The following PATL2 variants were observed in gnomAD, a reference collection of about 807,000 sequenced individuals.
PATL2 encodes protein PAT1 homolog 2.
Under a neutral mutation model 77.0 loss-of-function variants are expected in PATL2, and 73 were observed. The ratio of observed to expected loss-of-function variants is 0.95; its 90% CI spans 0.78 to 1.15. PATL2 has a LOEUF of 1.15. Among genes scored for constraint, PATL2 ranks in the 50% most tolerant of loss-of-function variants. The pLI, the probability that PATL2 is intolerant of heterozygous loss-of-function variation, is 0.00. For synonymous variants in PATL2, 265 were observed against 257.1 expected, an observed-to-expected ratio of 1.03 and a Z score of -0.29; for missense variants, 618 against 655.4, an observed-to-expected ratio of 0.94 and a Z score of 0.62.
intron 3 of PATL2, among the ~76,000 whole-genome samples, chr15:44,699,240 C>T (rs1004532307): frequency 6.6e-6 from 1 of 151,986 alleles, no homozygotes; most frequent in African/African-American, 2.4e-5. Context: ...GTGCAGAAGC[C>T]TTTAAGGGTA....
rs2085993939 is a variant in PATL2, at chr15:44,677,031, TAATGATTAAAAAAACGCTTG to T, written c.-75-486_-75-467del. Reference sequence around the variant, plus strand: ...CTGATGGAAATATGAGAACATAGTTTAATGATTAAAAAAACGCTTGAATGGAGAAAAGACATAAACTGCAT... The same window carrying T: ...CTGATGGAAATATGAGAACATAGTTTAATGGAGAAAAGACATAAACTGCAT... On this transcript the variant is annotated intron_variant, in intron 3 of 17. Coordinates refer to ENST00000682850, the MANE Select transcript of PATL2 (RefSeq NM_001387263.1). The T allele has an allele frequency of 5.4e-6, 3 of 553,888 alleles. No individual in the cohort carries two copies. The African/African-American group carries it at 6.1e-5, about 11-fold the overall frequency. 34.3% of individuals were successfully genotyped at this position (553,888 alleles called of 1,614,324 possible).
At chr15:44,677,317 C>G (rs551345831) in intron 3 of PATL2, among the ~76,000 whole-genome samples, 96 of 152,270 alleles carry the variant, frequency 6.3e-4, no homozygotes, top group Non-Finnish European at 8.4e-4. Context: ...CCCTCAAGTC[C>G]ACCTGATGAT....
rs1449155744 is a variant in PATL2 at position 44,669,564 on chromosome 15, C to T, written c.877-1G>A. ...TCTGACTGCTTGCAGCTTCTATATC[C>T]TAGGAGAAGGGAGTCACCAGCTATC... On this transcript the variant is annotated splice_acceptor_variant, in intron 11 of 17. Coordinates refer to ENST00000682850, the MANE Select transcript of PATL2 (RefSeq NM_001387263.1). LOFTEE classifies it high-confidence loss of function. 1.9e-6 allele frequency: 3 copies of T among 1,550,994 alleles called. No homozygotes were observed. In the East Asian group the frequency reaches 7.3e-5, roughly 38 times the overall value.
chr15:44,697,183 CCTT>C (rs1273795370), intron 3 of PATL2: 5 of 152,222 alleles, frequency 3.3e-5, no homozygotes, highest in African/African-American at 7.3e-5. Flanking sequence ...TTCTCCTCCT[CCTT>C]TCTTTTTCTT....
chr15:44,670,066 T>C lies in PATL2; in HGVS notation c.679A>G (p.Lys227Glu). 3 of 1,551,632 alleles carry C rather than the reference T, an allele frequency of 1.9e-6. No individual in the cohort carries two copies. The highest frequency in any genetic ancestry group is 3.3e-4 in the Middle Eastern group (2 of 5,992). ...AGTAGCTCTTCGTCTGCCTGCTTCT[T>C]CTCTAGCTTCTGGTAATATTCCTGA... ...YYQEYYQKLE[K>E]KQADEELLGR... Residue 227 changes from lysine (K) to glutamate (E), a missense_variant, in exon 10 of 18, where the codon AAG (lysine) becomes GAG (glutamate). By Grantham distance (56) the Lys-to-Glu change is moderately conservative (BLOSUM62 1). Coordinates refer to ENST00000682850, the MANE Select transcript of PATL2 (RefSeq NM_001387263.1).
intron 4 of PATL2, 55 bp from the exon 5 acceptor site, chr15:44,675,746 T>C: frequency 1.4e-6 from 2 of 1,443,972 alleles, no homozygotes; most frequent in Non-Finnish European, 1.9e-6. Context: ...GCTGTGAGTC[T>C]TGTCTAGAGA....
At chr15:44,690,748 T>G (rs938715249) in intron 3 of PATL2, among the ~76,000 whole-genome samples, 1 of 152,210 alleles carries the variant, frequency 6.6e-6, no homozygotes, top group Non-Finnish European at 1.5e-5. Context: ...AAGAGATATT[T>G]ATGTTAAGCT....
At chr15:44,696,003 G>T (rs896145568) in intron 3 of PATL2, among the ~76,000 whole-genome samples, 10 of 152,164 alleles carry the variant, frequency 6.6e-5, no homozygotes, top group African/African-American at 2.4e-4. Flanking sequence ...GCAAGTGTCA[G>T]CTCCACAAGC....
intron 3 of PATL2, among the ~76,000 whole-genome samples, chr15:44,681,673 C>G (rs553465533): frequency 3.3e-4 from 50 of 152,312 alleles, no homozygotes; most frequent in African/African-American, 1.2e-3. Flanking sequence ...ATCACATCCT[C>G]AAAGGGATCA....
Position 44,667,092 on chromosome 15 carries a change from C to G in PATL2, c.1463+14G>C. The stretch of plus-strand genomic sequence containing the variant: ...GGGTACTAGATAGTATTTACAAGGC[C>G]TTTATGATCTTACCAAGCTGTATGG... On this transcript the variant is annotated intron_variant, in intron 16 of 17. Transcript: ENST00000682850. 4 of 1,540,854 alleles carry G rather than the reference C, an allele frequency of 2.6e-6. No homozygotes were observed. Among genetic ancestry groups the G allele is most frequent in the East Asian group, 4.9e-5 (2 of 40,866 alleles).
chr15:44,672,512 C>G (rs77672726), intron 7 of PATL2, 56 bp from the exon 8 acceptor site: 89 of 1,485,034 alleles, frequency 6.0e-5, no homozygotes, highest in Non-Finnish European at 6.0e-5. Flanking sequence ...TTCTCTGCCC[C>G]CTCCATTCAT....
In PATL2 at chr15:44,666,555, A is replaced by G; in HGVS notation, c.1464-14T>C. ...ACCATGTCTGTCCTAGAGAGCATAA[A>G]TATAAATATAAGCAAATAGATTTGC... On this transcript the variant is annotated splice_polypyrimidine_tract_variant and intron_variant, in intron 16 of 17. Transcript: ENST00000682850. 6.7e-7 allele frequency: 1 copy of G among 1,500,660 alleles called. No individual in the cohort carries two copies. The highest frequency in any genetic ancestry group is 8.9e-7 in the Non-Finnish European group (1 of 1,126,040). The allele number at this position is 1,500,660 out of a possible 1,614,324, so 93.0% of individuals were successfully genotyped here. A position where few individuals can be genotyped will look rare whatever the true frequency, so the allele number is the denominator to read the frequency against.
chr15:44,676,739 G>A, intron 3 of PATL2, 174 bp from the exon 4 acceptor site: 2 of 1,252,218 alleles, frequency 1.6e-6, no homozygotes, highest in Non-Finnish European at 2.1e-6. Flanking sequence ...TCCCAGCTCG[G>A]CTCTAGGGAG....
intron 6 of PATL2, 75 bp from the exon 7 acceptor site, chr15:44,673,452 G>C: frequency 6.6e-7 from 1 of 1,508,534 alleles, no homozygotes; most frequent in Non-Finnish European, 9.0e-7. Flanking sequence ...TGAGGGCTCA[G>C]TTCCTTTCCT....
chr15:44,670,282 C>T (rs2085608169), intron 9 of PATL2, among the ~76,000 whole-genome samples, 195 bp from the exon 10 acceptor site: 1 of 152,184 alleles, frequency 6.6e-6, no homozygotes, highest in South Asian at 2.1e-4. Context: ...TCACTGCAAC[C>T]TCCCTGGCTC....
intron 3 of PATL2, among the ~76,000 whole-genome samples, chr15:44,704,655 G>A (rs1451705001): frequency 6.6e-6 from 1 of 152,150 alleles, no homozygotes; most frequent in Non-Finnish European, 1.5e-5. Flanking sequence ...CATGATTACA[G>A]TGTTACAATA....
At chr15:44,666,891 T>G in intron 16 of PATL2, 1 of 527,160 alleles carries the variant, frequency 1.9e-6, no homozygotes, top group Non-Finnish European at 3.3e-6. Context: ...AATCTAAAGC[T>G]TGTCCCCTTA....
At chr15:44,667,416 A>T in intron 15 of PATL2, 1 of 530,606 alleles carries the variant, frequency 1.9e-6, no homozygotes, top group Non-Finnish European at 3.4e-6. Context: ...TCCAAAAGAC[A>T]CTCTTGGAGA....
In PATL2 at chr15:44,665,929, TACAC is replaced by T; in HGVS notation, c.*20_*23del. The T allele has an allele frequency of 6.5e-7, 1 of 1,550,094 alleles. No homozygotes were observed. The highest frequency in any genetic ancestry group is 8.7e-7 in the Non-Finnish European group (1 of 1,146,512). ...GTGTCTGATGATTCAACTTCCCACA[TACAC>T]GTATTCCAGAACAAACAGATCAGTA... On this transcript the variant is annotated 3_prime_UTR_variant, in exon 18 of 18. Transcript: ENST00000682850.
Sources: gnomAD v4.1 joint callset for allele counts (sites outside exome capture counted in the v4.1 genomes callset) on GRCh38, gnomAD v4.1.1 for gene constraint, MANE v1.5 for transcripts, NCBI Gene and HGNC (gene_info 2026-07-23, HGNC 2026-07-21) for gene names.